The following COL19A1 variants were observed in gnomAD, a reference collection of about 807,000 sequenced individuals.
COL19A1 encodes collagen type XIX alpha 1 chain.
Under a neutral mutation model 190.2 loss-of-function variants are expected in COL19A1, and 159 were observed. The observed-to-expected ratio is 0.84, with a 90% CI of 0.73 to 0.95. The LOEUF (loss-of-function observed/expected upper bound fraction) is 0.95, where lower values mean the gene tolerates loss of function less well. Among genes scored for constraint, COL19A1 ranks in the 40% least tolerant of loss-of-function variants. The pLI, the probability that COL19A1 is intolerant of heterozygous loss-of-function variation, is 0.00. For missense variants in COL19A1, 1,418 were observed against 1,431.9 expected (o/e 0.99, Z 0.16); for synonymous variants, 509 against 458.9 (o/e 1.11, Z -1.39).
chr6:70,076,413 C>G (rs570219085), intron 15 of COL19A1, among the ~76,000 whole-genome samples: 114 of 152,266 alleles, frequency 7.5e-4, no homozygotes, highest in African/African-American at 2.7e-3. Flanking sequence ...AAATCACTAA[C>G]TTAATTTTTC....
At chr6:70,067,251 C>T (rs953569389) in intron 14 of COL19A1, among the ~76,000 whole-genome samples, 5 of 152,082 alleles carry the variant, frequency 3.3e-5, no homozygotes, top group Non-Finnish European at 7.4e-5. Context: ...CTAGGAAGCT[C>T]TTACAGATGA....
chr6:69,887,490 T>C (rs142880914), intron 2 of COL19A1, among the ~76,000 whole-genome samples: 1 of 152,308 alleles, frequency 6.6e-6, no homozygotes, highest in East Asian at 1.9e-4. Context: ...TATACCCCTG[T>C]GTAACTACTA....
chr6:70,041,718 A>T (rs6920252), intron 14 of COL19A1, among the ~76,000 whole-genome samples: 12,250 of 151,750 alleles, frequency 0.081, 1,388 homozygotes, highest in African/African-American at 0.25. Flanking sequence ...AAAAAATTAT[A>T]AAAAAAACAG....
intron 47 of COL19A1, among the ~76,000 whole-genome samples, 183 bp downstream of exon 47, chr6:70,188,428 T>A (rs1485181532): frequency 6.6e-6 from 1 of 152,264 alleles, no homozygotes; most frequent in Non-Finnish European, 1.5e-5. Context: ...TTACTATACA[T>A]TACCTCATTT....
At chr6:70,130,115 T>TA (rs1211592237) in intron 17 of COL19A1, 67 bp from the exon 18 acceptor site, 17 of 1,556,464 alleles carry the variant, frequency 1.1e-5, no homozygotes, top group Non-Finnish European at 1.4e-5. Flanking sequence ...CTTATACTGT[T>TA]ACAGATTGAA....
chr6:70,043,419 C>G (rs1779736066), intron 14 of COL19A1, among the ~76,000 whole-genome samples: 2 of 152,102 alleles, frequency 1.3e-5, no homozygotes, highest in South Asian at 4.1e-4. Context: ...GTCTCGATCT[C>G]CTGACCTCGT....
At chr6:70,106,568 T>A (rs924870142) in intron 16 of COL19A1, among the ~76,000 whole-genome samples, 1 of 152,240 alleles carries the variant, frequency 6.6e-6, no homozygotes, top group East Asian at 1.9e-4. Flanking sequence ...TAGGACTTAT[T>A]TGAAATTTAT....
intron 37 of COL19A1, among the ~76,000 whole-genome samples, chr6:70,166,393 T>C (rs1047630613): frequency 1.3e-5 from 2 of 152,256 alleles, no homozygotes; most frequent in African/African-American, 4.8e-5. Context: ...TCATTCCCAT[T>C]CATGATGTCT....
chr6:70,178,345 C>A (rs1362298334), intron 42 of COL19A1, among the ~76,000 whole-genome samples: 1 of 152,006 alleles, frequency 6.6e-6, no homozygotes, highest in African/African-American at 2.4e-5. Context: ...CACTGCACTC[C>A]AAACTGGGCA....
intron 4 of COL19A1, among the ~76,000 whole-genome samples, chr6:69,901,786 C>A (rs17689265): frequency 1.1e-4 from 17 of 152,282 alleles, no homozygotes; most frequent in Non-Finnish European, 1.5e-4. Flanking sequence ...CATCTTCTTT[C>A]GGATTTAAAC....
In COL19A1 at chr6:69,898,805, T is replaced by C. The variant is rs534219354; in HGVS notation, c.92-143T>C. The C allele has an allele frequency of 1.9e-5, 11 of 590,650 alleles. No individual in the cohort carries two copies. The African/African-American group carries it at 2.0e-4, about 11-fold the overall frequency. The allele number at this position is 590,650 out of a possible 1,614,324, so 36.6% of individuals were successfully genotyped here. A position where few individuals can be genotyped will look rare whatever the true frequency, so the allele number is the denominator to read the frequency against. ...TGTAACCCTCACAAAAACACTGAGG[T>C]GGTTAATGTTCTTATCCTCATTTTA... On this transcript the variant is annotated intron_variant, in intron 2 of 50. Transcript: ENST00000620364.
chr6:70,009,640 G>A (rs1452442699), intron 11 of COL19A1, among the ~76,000 whole-genome samples: 1 of 145,466 alleles, frequency 6.9e-6, no homozygotes, highest in Non-Finnish European at 1.5e-5. Flanking sequence ...TAGCCAAAAT[G>A]ATTTTTAAAA....
At chr6:70,137,406 T>C (rs750370478) in intron 18 of COL19A1, among the ~76,000 whole-genome samples, 12 of 152,210 alleles carry the variant, frequency 7.9e-5, no homozygotes, top group African/African-American at 1.2e-4. Context: ...TCTAGATAGA[T>C]ATTCTTTCCT....
intron 2 of COL19A1, among the ~76,000 whole-genome samples, chr6:69,881,107 ACCT>A (rs1262077874): frequency 2.0e-5 from 3 of 152,020 alleles, no homozygotes; most frequent in African/African-American, 7.2e-5. Context: ...GATTCCTGAG[ACCT>A]CCTATCGCAT....
chr6:70,129,219 G>A (rs931731073), intron 17 of COL19A1, among the ~76,000 whole-genome samples: 11 of 152,192 alleles, frequency 7.2e-5, no homozygotes, highest in African/African-American at 2.7e-4. Flanking sequence ...AGAAATGGGA[G>A]GAAAGAGAGT....
chr6:70,001,382 A>G (rs1294285185), intron 11 of COL19A1, among the ~76,000 whole-genome samples: 2 of 152,158 alleles, frequency 1.3e-5, no homozygotes, highest in African/African-American at 2.4e-5. Flanking sequence ...GAAATTTAAA[A>G]TAGCTTTTTC....
chr6:69,922,300 AATT>A (rs1772028209), intron 4 of COL19A1, among the ~76,000 whole-genome samples: 1 of 151,668 alleles, frequency 6.6e-6, no homozygotes, highest in Admixed American at 6.6e-5. Flanking sequence ...GATTAAAATC[AATT>A]ATTCCTTAAA....
intron 16 of COL19A1, among the ~76,000 whole-genome samples, chr6:70,121,576 G>C (rs1453234066): frequency 6.6e-6 from 1 of 152,158 alleles, no homozygotes; most frequent in African/African-American, 2.4e-5. Context: ...TCTTCTCTGG[G>C]AGGGTCTTAT....
At chr6:70,174,554 C>T (rs1452548501) in intron 41 of COL19A1, among the ~76,000 whole-genome samples, 2 of 137,006 alleles carry the variant, frequency 1.5e-5, no homozygotes, top group Admixed American at 7.3e-5. Flanking sequence ...AGCCAGACTC[C>T]GTCTCAAAAA....
Sources: allele counts gnomAD v4.1 joint callset (sites outside exome capture counted in the v4.1 genomes callset), GRCh38; gene constraint gnomAD v4.1.1; transcripts MANE v1.5; gene names NCBI Gene and HGNC (gene_info 2026-07-23, HGNC 2026-07-21).